The following ATXN7L1 variants were observed in gnomAD, a reference collection of about 807,000 sequenced individuals.
ATXN7L1 encodes ataxin-7-like protein 1.
In ATXN7L1, 15 loss-of-function variants were observed where a neutral mutation model predicts 70.8. The ratio of observed to expected loss-of-function variants is 0.21; its 90% CI spans 0.14 to 0.33. The LOEUF (loss-of-function observed/expected upper bound fraction) is 0.33. Among genes scored for constraint, ATXN7L1 ranks in the 10% least tolerant of loss-of-function variants. ATXN7L1 has a pLI of 1.00. For synonymous variants in ATXN7L1, 440 were observed against 445.1 expected, an observed-to-expected ratio of 0.99 and a Z score of 0.14; for missense variants, 975 against 1,097.1, an observed-to-expected ratio of 0.89 and a Z score of 1.57.
chr7:105,804,719 T>C (rs756497815), intron 2 of ATXN7L1, among the ~76,000 whole-genome samples: 52 of 152,336 alleles, frequency 3.4e-4, no homozygotes, highest in Admixed American at 6.5e-4. Flanking sequence ...TAAGTGCTGT[T>C]CATTGATTGT....
At chr7:105,675,861 G>T (rs846927) in intron 3 of ATXN7L1, among the ~76,000 whole-genome samples, 1 of 151,190 alleles carries the variant, frequency 6.6e-6, no homozygotes, top group Non-Finnish European at 1.5e-5. Flanking sequence ...TAAAATGAAA[G>T]CTATTTCATT....
In ATXN7L1 at chr7:105,624,097, G is replaced by T. The variant is rs200750459; in HGVS notation, c.1373C>A (p.Thr458Lys). Residue 458 changes from threonine (T) to lysine (K), a missense_variant, in exon 8 of 12, where the codon ACG becomes AAG. Coordinates refer to ENST00000419735, the MANE Select transcript of ATXN7L1 (RefSeq NM_020725.2). ...ESEKLDCQFSTHHPRPLAFCS... is the reference protein window; with the variant it reads ...ESEKLDCQFSKHHPRPLAFCS... Reference sequence around the variant, plus strand: ...TACCGCCAGAGGTCTGGGGTGGTGCGTGGAGAACTGACAGTCTAGCTTCTC... The same window carrying T: ...TACCGCCAGAGGTCTGGGGTGGTGCTTGGAGAACTGACAGTCTAGCTTCTC... 1 of 1,492,688 alleles carries T rather than the reference G, an allele frequency of 6.7e-7. No individual in the cohort carries two copies. The highest frequency in any genetic ancestry group is 9.0e-7 in the Non-Finnish European group (1 of 1,112,976). 92.5% of individuals were successfully genotyped at this position (1,492,688 alleles called of 1,614,324 possible).
intron 2 of ATXN7L1, among the ~76,000 whole-genome samples, chr7:105,795,208 C>T (rs1038123590): frequency 2.6e-5 from 4 of 152,218 alleles, no homozygotes; most frequent in African/African-American, 9.7e-5. Flanking sequence ...AAGTAAAGTA[C>T]TAACTGACTT....
intron 3 of ATXN7L1, among the ~76,000 whole-genome samples, chr7:105,785,920 TA>T (rs1237027226): frequency 6.6e-6 from 1 of 152,230 alleles, no homozygotes; most frequent in African/African-American, 2.4e-5. Context: ...CTGCTGTTTA[TA>T]AGCCACCTAG....
At chr7:105,727,395 G>A (rs951814001) in intron 3 of ATXN7L1, among the ~76,000 whole-genome samples, 51 of 152,156 alleles carry the variant, frequency 3.4e-4, no homozygotes, top group African/African-American at 1.2e-3. Flanking sequence ...CAGGCCAGGC[G>A]TGGTGGCTCA....
chr7:105,760,577 T>C lies in ATXN7L1; in HGVS notation c.355+28027A>G, dbSNP rs533083619. 27 of 985,150 alleles carry C rather than the reference T, an allele frequency of 2.7e-5. 1 individual carries two copies. Among genetic ancestry groups the C allele is most frequent in the Middle Eastern group, 5.2e-4 (1 of 1,912 alleles). The allele number at this position is 985,150 out of a possible 1,614,324, so 61.0% of individuals were successfully genotyped here. A position where few individuals can be genotyped will look rare whatever the true frequency, so the allele number is the denominator to read the frequency against. On this transcript the variant is annotated intron_variant, in intron 3 of 11. Coordinates refer to ENST00000419735, the MANE Select transcript of ATXN7L1 (RefSeq NM_020725.2). The stretch of plus-strand genomic sequence containing the variant: ...TATTAACTGAGACTATGTTAGGCTC[T>C]GAGGGATGCAAAGACTGAGTCCCCA...
At chr7:105,825,548 C>T (rs902398080) in intron 2 of ATXN7L1, among the ~76,000 whole-genome samples, 1 of 146,624 alleles carries the variant, frequency 6.8e-6, no homozygotes, top group Admixed American at 6.9e-5. Context: ...CAAGCAAAAA[C>T]CTACATACGA....
rs75538350 is a variant in ATXN7L1, at chr7:105,610,160, A to G, written c.2547+369T>C. 4.5e-3 allele frequency among the ~76,000 whole-genome samples: 682 copies of G among 152,356 alleles called. 3 individuals carry two copies. The highest frequency in any genetic ancestry group is 0.016 in the African/African-American group (651 of 41,584). On this transcript the variant is annotated intron_variant, in intron 11 of 11. Transcript: ENST00000419735. ...TTTTGCCTTTTAACGAATGAAAAAA[A>G]CTGAGACTCAGAGAGGTAATGTGCG...
Position 105,637,828 on chromosome 7 carries a change from C to T in ATXN7L1, c.1202+525G>A, listed in dbSNP as rs546763461. Reference sequence around the variant, plus strand: ...CAAACAACCTCTGCTATGCCAATTTCCCCTTTCATCCTGATGATAGGAGAG... The same window carrying T: ...CAAACAACCTCTGCTATGCCAATTTTCCCTTTCATCCTGATGATAGGAGAG... On this transcript the variant is annotated intron_variant, in intron 7 of 11. Coordinates refer to ENST00000419735, the MANE Select transcript of ATXN7L1 (RefSeq NM_020725.2). Among the ~76,000 whole-genome samples, 54 of 152,300 alleles carry T rather than the reference C, an allele frequency of 3.5e-4. 1 individual carries two copies. In the South Asian group the frequency reaches 9.3e-3, roughly 26 times the overall value.
At chr7:105,658,279 G>C (rs949034407) in intron 4 of ATXN7L1, among the ~76,000 whole-genome samples, 1 of 151,308 alleles carries the variant, frequency 6.6e-6, no homozygotes, top group African/African-American at 2.4e-5. Flanking sequence ...TTGCCGGTCT[G>C]GGCAGGATTC....
intron 2 of ATXN7L1, among the ~76,000 whole-genome samples, chr7:105,861,292 A>C (rs1341623131): frequency 6.6e-6 from 1 of 152,208 alleles, no homozygotes; most frequent in Non-Finnish European, 1.5e-5. Context: ...ACAAACTGAT[A>C]CATGTGAATT....
intron 3 of ATXN7L1, among the ~76,000 whole-genome samples, chr7:105,712,194 T>C (rs941028272): frequency 6.6e-6 from 1 of 152,246 alleles, no homozygotes; most frequent in Non-Finnish European, 1.5e-5. Context: ...AGCTGGACTC[T>C]GAGCCTGGCC....
chr7:105,708,007 G>T (rs1467247588), intron 3 of ATXN7L1, among the ~76,000 whole-genome samples: 1 of 152,222 alleles, frequency 6.6e-6, no homozygotes, highest in Non-Finnish European at 1.5e-5. Flanking sequence ...ACAAAGATGG[G>T]TATAAATAAA....
At position 105,655,644 on chromosome 7, in the gene ATXN7L1, T is replaced by C. The variant is rs542586344; in HGVS notation, c.578+9422A>G. 2.6e-5 allele frequency among the ~76,000 whole-genome samples: 4 copies of C among 152,332 alleles called. No homozygotes were observed. The East Asian group carries it at 7.7e-4, about 29-fold the overall frequency. On this transcript the variant is annotated intron_variant, in intron 4 of 11. Coordinates refer to ENST00000419735, the MANE Select transcript of ATXN7L1 (RefSeq NM_020725.2). ...AGCCATCAATCCTGAGCCTTGGTCT[T>C]GCCCCCAGTTCACGCCAGCACCAGG...
intron 3 of ATXN7L1, among the ~76,000 whole-genome samples, chr7:105,775,911 T>C (rs1802655732): frequency 6.6e-6 from 1 of 152,154 alleles, no homozygotes; most frequent in African/African-American, 2.4e-5. Context: ...TGCTAATAGC[T>C]GCTATGAGGC....
At chr7:105,797,128 C>T (rs561024825) in intron 2 of ATXN7L1, among the ~76,000 whole-genome samples, 16 of 152,336 alleles carry the variant, frequency 1.1e-4, no homozygotes, top group Admixed American at 2.0e-4. Flanking sequence ...CGTGCGGGTG[C>T]GTGCAGGCGG....
intron 3 of ATXN7L1, among the ~76,000 whole-genome samples, chr7:105,756,136 A>G (rs1032098467): frequency 1.3e-5 from 2 of 151,722 alleles, no homozygotes; most frequent in African/African-American, 4.9e-5. Flanking sequence ...TTTCCTTACA[A>G]TTTTTCTGTT....
chr7:105,834,919 G>A (rs1450787555), intron 2 of ATXN7L1, among the ~76,000 whole-genome samples: 1 of 152,006 alleles, frequency 6.6e-6, no homozygotes, highest in Non-Finnish European at 1.5e-5. Flanking sequence ...TCTTTCAGAT[G>A]CCTACTGGGA....
rs573733959 is a variant in ATXN7L1, at chr7:105,724,573, C to CAA, written c.356-59287_356-59286dup. Reference sequence around the variant, plus strand: ...TGGACGACAGAGCAAGACTCTGTCTCAAAAAAAAAAAAAAAAAAAAAAAAA... The same window carrying CAA: ...TGGACGACAGAGCAAGACTCTGTCTCAAAAAAAAAAAAAAAAAAAAAAAAAAA... On this transcript the variant is annotated intron_variant, in intron 3 of 11. Transcript: ENST00000419735. 2.0e-3 allele frequency among the ~76,000 whole-genome samples: 159 copies of CAA among 80,404 alleles called. 3 individuals are homozygous for CAA. Among genetic ancestry groups the CAA allele is most frequent in the Middle Eastern group, 7.1e-3 (1 of 140 alleles). The allele number at this position is 80,404 out of a possible 152,430, so 52.7% of individuals were successfully genotyped here.
Sources: gnomAD v4.1 joint callset for allele counts (sites outside exome capture counted in the v4.1 genomes callset) on GRCh38, gnomAD v4.1.1 for gene constraint, MANE v1.5 for transcripts, NCBI Gene and HGNC (gene_info 2026-07-23, HGNC 2026-07-21) for gene names.